MRTFA: variants seen among roughly 807,000 people sequenced by gnomAD.
MRTFA encodes myocardin-related transcription factor A.
MRTFA carries 20 observed loss-of-function variants against 83.5 expected under a neutral mutation model. That is an observed-to-expected ratio of 0.24 (90% CI 0.17 to 0.35). The LOEUF is 0.35. MRTFA is among the 10% of genes least tolerant of loss of function. The pLI, the probability that MRTFA is intolerant of heterozygous loss-of-function variation, is 1.00. For missense variants in MRTFA, 1,200 were observed against 1,224.7 expected, an observed-to-expected ratio of 0.98 and a Z score of 0.30; for synonymous variants, 659 against 541.2, an observed-to-expected ratio of 1.22 and a Z score of -3.02.
chr22:40,439,697 G>T (rs2053238808), intron 4 of MRTFA, among the ~76,000 whole-genome samples: 1 of 152,076 alleles, frequency 6.6e-6, no homozygotes, highest in Admixed American at 6.5e-5. Flanking sequence ...GGGGTTCAGA[G>T]ACCTGTCTGA....
chr22:40,515,357 G>T (rs1023001170), intron 3 of MRTFA, among the ~76,000 whole-genome samples: 3 of 152,034 alleles, frequency 2.0e-5, no homozygotes, highest in Admixed American at 1.3e-4. Context: ...ACAGTCTAGT[G>T]AGAAACATAT....
chr22:40,456,164 C>T (rs1049588125), intron 4 of MRTFA, among the ~76,000 whole-genome samples: 7 of 151,970 alleles, frequency 4.6e-5, no homozygotes, highest in Non-Finnish European at 5.9e-5. Flanking sequence ...GGTCTTATTA[C>T]GAGAAACACT....
Position 40,552,250 on chromosome 22 carries a change from G to A in MRTFA, c.97C>T (p.Leu33Phe), listed in dbSNP as rs1193366844. 2 of 398,940 alleles carry A rather than the reference G, an allele frequency of 5.0e-6. No homozygotes were observed. The highest frequency in any genetic ancestry group is 8.8e-6 in the Non-Finnish European group (2 of 226,098). The allele number at this position is 398,940 out of a possible 1,614,324, so 24.7% of individuals were successfully genotyped here. A position where few individuals can be genotyped will look rare whatever the true frequency, so the allele number is the denominator to read the frequency against. ...CTGGGTGCCGCAGATAAGGACACGA[G>A]CACTGGTTCATCATCATTTTCGCCG... The change falls in exon 3 of 15, where the codon CTC (leucine) becomes TTC (phenylalanine). Residue 33 changes from leucine to phenylalanine, a missense_variant. Coordinates refer to ENST00000355630, the MANE Select transcript of MRTFA (RefSeq NM_020831.6).
chr22:40,624,298 C>G (rs970915103), intron 1 of MRTFA, among the ~76,000 whole-genome samples: 1 of 151,068 alleles, frequency 6.6e-6, no homozygotes, highest in Non-Finnish European at 1.5e-5. Context: ...TGGTGGGGCA[C>G]GCCTGTAATC....
At chr22:40,611,491 C>T (rs2056387853) in intron 1 of MRTFA, among the ~76,000 whole-genome samples, 1 of 151,984 alleles carries the variant, frequency 6.6e-6, no homozygotes, top group Non-Finnish European at 1.5e-5. Context: ...GTAATCCTCC[C>T]ACCTCAGCCT....
Position 40,420,453 on chromosome 22 carries a change from T to C in MRTFA, c.1305A>G (p.Ser435=). The change falls in exon 11 of 15, where the codon TCA becomes TCG. Residue 435 remains serine, a synonymous_variant. Coordinates refer to ENST00000355630, the MANE Select transcript of MRTFA (RefSeq NM_020831.6). ...GCAGGGCTCCCGGCTTGCCAGTCAG[T>C]GAGGTGCTGTTCTGACGTGCCAGCC... is the stretch of plus-strand genomic sequence containing the variant. The C allele has an allele frequency of 2.5e-6, 4 of 1,613,682 alleles. No individual in the cohort carries two copies. Among genetic ancestry groups the C allele is most frequent in the Non-Finnish European group, 3.4e-6 (4 of 1,180,008 alleles).
At chr22:40,452,946 G>A (rs979935429) in intron 4 of MRTFA, among the ~76,000 whole-genome samples, 2 of 152,104 alleles carry the variant, frequency 1.3e-5, no homozygotes, top group Non-Finnish European at 2.9e-5. Context: ...ATTATTTAAG[G>A]ATTTGTTGGC....
chr22:40,414,062 G>C (rs1055168077), intron 14 of MRTFA, among the ~76,000 whole-genome samples: 1 of 152,210 alleles, frequency 6.6e-6, no homozygotes, highest in African/African-American at 2.4e-5. Flanking sequence ...TATGAGGCGG[G>C]GTGCGTTGGC....
At chr22:40,495,698 G>A (rs995763020) in intron 3 of MRTFA, among the ~76,000 whole-genome samples, 1 of 148,922 alleles carries the variant, frequency 6.7e-6, no homozygotes, top group Non-Finnish European at 1.5e-5. Flanking sequence ...GGTGGAGGTT[G>A]CAGTGAGCCG....
chr22:40,515,602 A>G (rs2054744915), intron 3 of MRTFA, among the ~76,000 whole-genome samples: 1 of 152,138 alleles, frequency 6.6e-6, no homozygotes, highest in Non-Finnish European at 1.5e-5. Flanking sequence ...CTGGGGCACG[A>G]GAATCGTTTG....
chr22:40,489,701 G>A (rs936392052), intron 3 of MRTFA, among the ~76,000 whole-genome samples: 13 of 151,996 alleles, frequency 8.6e-5, no homozygotes, highest in Non-Finnish European at 1.5e-4. Flanking sequence ...CAAAGTAGCC[G>A]GGCATGGTGG....
chr22:40,509,421 T>A (rs1319441536), intron 3 of MRTFA, among the ~76,000 whole-genome samples: 1 of 152,242 alleles, frequency 6.6e-6, no homozygotes, highest in Non-Finnish European at 1.5e-5. Flanking sequence ...GACCTACTCT[T>A]AGGATAATCC....
At chr22:40,500,881 C>A (rs1281435390) in intron 3 of MRTFA, among the ~76,000 whole-genome samples, 6 of 151,222 alleles carry the variant, frequency 4.0e-5, no homozygotes. Flanking sequence ...CCATTGTCAT[C>A]CTGGCCCATT....
At chr22:40,520,780 T>C (rs1248619819) in intron 3 of MRTFA, among the ~76,000 whole-genome samples, 4 of 152,208 alleles carry the variant, frequency 2.6e-5, no homozygotes, top group Admixed American at 2.6e-4. Context: ...ATTGTATGGA[T>C]ATACCATATT....
intron 1 of MRTFA, among the ~76,000 whole-genome samples, chr22:40,632,725 C>A (rs574429243): frequency 6.6e-6 from 1 of 152,272 alleles, no homozygotes; most frequent in Admixed American, 6.5e-5. Flanking sequence ...TGTGAGCCAC[C>A]GTGCCCAGCC....
chr22:40,433,830 T>C (rs977923056), intron 5 of MRTFA, among the ~76,000 whole-genome samples: 1 of 152,212 alleles, frequency 6.6e-6, no homozygotes. Context: ...TTAGTACATG[T>C]GTAAATATGG....
chr22:40,560,176 T>C (rs2055592500), intron 2 of MRTFA, among the ~76,000 whole-genome samples: 1 of 152,210 alleles, frequency 6.6e-6, no homozygotes, highest in Non-Finnish European at 1.5e-5. Context: ...GGCAGAATGT[T>C]GATAATGTTG....
intron 4 of MRTFA, among the ~76,000 whole-genome samples, chr22:40,459,415 T>C (rs1222529952): frequency 6.6e-6 from 1 of 152,070 alleles, no homozygotes; most frequent in Non-Finnish European, 1.5e-5. Context: ...GAAAAGCTGA[T>C]AACAAGACTA....
At chr22:40,572,054 T>C (rs543753462) in intron 2 of MRTFA, among the ~76,000 whole-genome samples, 200 of 148,162 alleles carry the variant, frequency 1.3e-3, no homozygotes, top group African/African-American at 2.7e-3. Context: ...CCCAGTAGGA[T>C]TGGTAAAACC....
Sources: gnomAD v4.1 joint callset for allele counts (sites outside exome capture counted in the v4.1 genomes callset) on GRCh38, gnomAD v4.1.1 for gene constraint, MANE v1.5 for transcripts, NCBI Gene and HGNC (gene_info 2026-07-23, HGNC 2026-07-21) for gene names.